Variants in FSTL5 observed in about 807,000 individuals in gnomAD.
FSTL5 encodes the protein follistatin-related protein 5.
FSTL5 carries 62 observed loss-of-function variants against 89.1 expected under a neutral mutation model. That is an observed-to-expected ratio of 0.70 (90% CI 0.57 to 0.86). FSTL5 has a LOEUF of 0.86. Among genes scored for constraint, FSTL5 ranks in the 40% least tolerant of loss-of-function variants. The pLI, the probability that FSTL5 is intolerant of heterozygous loss-of-function variation, is 0.00. For missense variants in FSTL5, 1,057 were observed against 1,001.6 expected (o/e 1.06, Z -0.75); for synonymous variants, 383 against 346.2 (o/e 1.11, Z -1.18).
chr4:162,162,459 G>C (rs773133958), intron 1 of FSTL5, among the ~76,000 whole-genome samples: 2 of 151,446 alleles, frequency 1.3e-5, no homozygotes, highest in Admixed American at 1.3e-4. Flanking sequence ...CCCCACCCCC[G>C]TCCTTTTCCA....
intron 13 of FSTL5, among the ~76,000 whole-genome samples, chr4:161,462,093 G>C (rs1206142706): frequency 6.6e-6 from 1 of 152,118 alleles, no homozygotes; most frequent in Admixed American, 6.5e-5. Context: ...TTATCTTATA[G>C]AGACATACTA....
At chr4:161,766,579 T>A (rs1023285893) in intron 5 of FSTL5, among the ~76,000 whole-genome samples, 1 of 152,198 alleles carries the variant, frequency 6.6e-6, no homozygotes, top group East Asian at 1.9e-4. Context: ...CCCATCATTG[T>A]GTCTTCGGGA....
rs543024730 is a variant in FSTL5 at position 161,399,954 on chromosome 4, TAA to T, written c.1842-13507_1842-13506del. On this transcript the variant is annotated intron_variant, in intron 15 of 15. Coordinates refer to ENST00000306100, the MANE Select transcript of FSTL5 (RefSeq NM_020116.5). Reference sequence around the variant, plus strand: ...TACAGTATGTAAGCGATTGTGTGAATAAGTCTGGATAAATGTTAACTTCTTAT... The same window carrying T: ...TACAGTATGTAAGCGATTGTGTGAATGTCTGGATAAATGTTAACTTCTTAT... 7.2e-5 allele frequency among the ~76,000 whole-genome samples: 11 copies of T among 152,252 alleles called. No individual in the cohort carries two copies. The South Asian group carries it at 1.9e-3, about 26-fold the overall frequency.
At chr4:161,787,228 T>TCCTG (rs1335463245) in intron 4 of FSTL5, among the ~76,000 whole-genome samples, 4 of 152,076 alleles carry the variant, frequency 2.6e-5, no homozygotes, top group Non-Finnish European at 5.9e-5. Flanking sequence ...CTGTGGAATA[T>TCCTG]CCTGGTAGAG....
chr4:161,512,484 A>G (rs1730682913), intron 10 of FSTL5, among the ~76,000 whole-genome samples: 1 of 152,078 alleles, frequency 6.6e-6, no homozygotes, highest in Non-Finnish European at 1.5e-5. Context: ...AACAGGGGGA[A>G]CTTCTCTAAT....
At chr4:161,669,213 A>G (rs962284696) in intron 6 of FSTL5, among the ~76,000 whole-genome samples, 3 of 152,092 alleles carry the variant, frequency 2.0e-5, no homozygotes, top group African/African-American at 7.2e-5. Context: ...TTATCAAGAT[A>G]TCAGTTTTTC....
intron 7 of FSTL5, among the ~76,000 whole-genome samples, chr4:161,603,315 T>G (rs28626572): frequency 0.016 from 2,383 of 152,292 alleles, 58 homozygotes; most frequent in African/African-American, 0.054. Context: ...ATATTATAGT[T>G]TAGTAAGTGT....
At chr4:161,825,071 T>C (rs1228166469) in intron 4 of FSTL5, among the ~76,000 whole-genome samples, 2 of 152,184 alleles carry the variant, frequency 1.3e-5, no homozygotes, top group African/African-American at 2.4e-5. Flanking sequence ...GTCCCTTCTA[T>C]GCCAATTTTT....
rs1171950770 is a variant in FSTL5 at position 161,872,141 on chromosome 4, G to GT, written c.409+48262dup. 1.5e-3 allele frequency among the ~76,000 whole-genome samples: 117 copies of GT among 79,558 alleles called. 1 individual carries two copies. Among genetic ancestry groups the GT allele is most frequent in the African/African-American group, 5.8e-3 (109 of 18,696 alleles). 52.2% of individuals were successfully genotyped at this position (79,558 alleles called of 152,430 possible). On this transcript the variant is annotated intron_variant, in intron 4 of 15. Coordinates refer to ENST00000306100, the MANE Select transcript of FSTL5 (RefSeq NM_020116.5). ...GCTTTGTAGTTTGTTTTTTTTTTTG[G>GT]TTTTTTTTTTTTTTTTTGTAGAGAC... is the stretch of plus-strand genomic sequence containing the variant.
At chr4:161,635,817 A>C (rs2126661131) in intron 7 of FSTL5, among the ~76,000 whole-genome samples, 1 of 152,294 alleles carries the variant, frequency 6.6e-6, no homozygotes, top group East Asian at 1.9e-4. Context: ...TATTGGCTAT[A>C]ATTTGAGAAC....
chr4:161,962,462 T>C (rs965707528), intron 3 of FSTL5, among the ~76,000 whole-genome samples: 3 of 152,054 alleles, frequency 2.0e-5, no homozygotes, highest in African/African-American at 7.2e-5. Flanking sequence ...CTCTAATTGA[T>C]ACCTTGCTAT....
intron 13 of FSTL5, among the ~76,000 whole-genome samples, chr4:161,465,134 T>C (rs1344646899): frequency 6.6e-6 from 1 of 152,098 alleles, no homozygotes; most frequent in Non-Finnish European, 1.5e-5. Context: ...TACAGATAAA[T>C]TCAGGCCTTC....
At chr4:162,090,202 A>T (rs1730491448) in intron 2 of FSTL5, among the ~76,000 whole-genome samples, 1 of 152,172 alleles carries the variant, frequency 6.6e-6, no homozygotes, top group Non-Finnish European at 1.5e-5. Context: ...TTCATGACTG[A>T]TACCAAAAAC....
intron 15 of FSTL5, among the ~76,000 whole-genome samples, chr4:161,412,383 C>A (rs778374227): frequency 3.0e-4 from 46 of 151,908 alleles, no homozygotes; most frequent in Non-Finnish European, 5.3e-4. Context: ...ACAGCCAAAG[C>A]AATCTCAAGC....
intron 7 of FSTL5, among the ~76,000 whole-genome samples, chr4:161,611,234 A>G (rs1734634869): frequency 1.4e-4 from 1 of 7,032 alleles, no homozygotes; most frequent in Non-Finnish European, 3.3e-4. Context: ...GTGTATACAT[A>G]TATATATATA....
At chr4:161,566,580 G>C (rs1481983599) in intron 8 of FSTL5, among the ~76,000 whole-genome samples, 1 of 151,988 alleles carries the variant, frequency 6.6e-6, no homozygotes, top group Non-Finnish European at 1.5e-5. Context: ...CCAGCAGTTC[G>C]TAAGTATTCC....
intron 8 of FSTL5, among the ~76,000 whole-genome samples, chr4:161,566,084 TTTC>T (rs1732791254): frequency 1.2e-5 from 1 of 84,772 alleles, no homozygotes; most frequent in South Asian, 3.9e-4. Flanking sequence ...CTATTGTTTT[TTTC>T]TTTTTTTTTG....
chr4:162,018,350 C>G (rs192686540), intron 3 of FSTL5, among the ~76,000 whole-genome samples: 2 of 152,140 alleles, frequency 1.3e-5, no homozygotes, highest in East Asian at 3.9e-4. Flanking sequence ...ATACTTCACC[C>G]AAACAGCATA....
At chr4:161,811,833 A>G (rs1210195318) in intron 4 of FSTL5, among the ~76,000 whole-genome samples, 1 of 152,162 alleles carries the variant, frequency 6.6e-6, no homozygotes, top group African/African-American at 2.4e-5. Flanking sequence ...ATTAAATATA[A>G]ACTAGAATTT....
Sources: gnomAD v4.1 joint callset for allele counts (sites outside exome capture counted in the v4.1 genomes callset) on GRCh38, gnomAD v4.1.1 for gene constraint, MANE v1.5 for transcripts, NCBI Gene and HGNC (gene_info 2026-07-23, HGNC 2026-07-21) for gene names.